Variants in THADA observed in about 807,000 individuals in gnomAD.
The protein encoded by THADA is THADA armadillo repeat containing, also known as tRNA (32-2'-O)-methyltransferase regulator THADA.
Under a neutral mutation model 219.8 loss-of-function variants are expected in THADA, and 213 were observed. The observed-to-expected ratio is 0.97, with a 90% CI of 0.87 to 1.09. THADA has a LOEUF of 1.09. Among genes scored for constraint, THADA ranks in the 50% least tolerant of loss-of-function variants. The pLI, the probability that THADA is intolerant of heterozygous loss-of-function variation, is 0.00. For synonymous variants in THADA, 1,018 were observed against 828.9 expected (o/e 1.23, Z -3.92); for missense variants, 2,956 against 2,311.3 (o/e 1.28, Z -5.72).
chr2:43,586,820 A>C, intron 5 of THADA, 34 bp downstream of exon 5: 1 of 1,612,338 alleles, frequency 6.2e-7, no homozygotes, highest in Non-Finnish European at 8.5e-7. Context: ...GAGAGGGGTT[A>C]GCCAGAAAAA....
At chr2:43,329,676 T>C (rs375484957) in intron 30 of THADA, among the ~76,000 whole-genome samples, 1 of 152,162 alleles carries the variant, frequency 6.6e-6, no homozygotes, top group East Asian at 1.9e-4. Flanking sequence ...AAACCAAGAA[T>C]AGAATCAAGG....
At chr2:43,457,864 A>C (rs1683202144) in intron 26 of THADA, among the ~76,000 whole-genome samples, 2 of 151,830 alleles carry the variant, frequency 1.3e-5, no homozygotes, top group African/African-American at 4.8e-5. Context: ...AGTCTATTCC[A>C]TTCTTTCTGG....
intron 25 of THADA, among the ~76,000 whole-genome samples, chr2:43,497,531 T>C (rs776730421): frequency 2.0e-5 from 3 of 152,128 alleles, no homozygotes; most frequent in Non-Finnish European, 4.4e-5. Flanking sequence ...CACCAGGGCC[T>C]GTTGGAGTCA....
intron 36 of THADA, among the ~76,000 whole-genome samples, chr2:43,265,326 T>C (rs949759305): frequency 6.6e-6 from 1 of 152,160 alleles, no homozygotes; most frequent in Non-Finnish European, 1.5e-5. Flanking sequence ...CTTCAAAGTA[T>C]AAAAATAGTG....
At chr2:43,373,726 C>T (rs1349814706) in intron 29 of THADA, among the ~76,000 whole-genome samples, 1 of 152,136 alleles carries the variant, frequency 6.6e-6, no homozygotes, top group Non-Finnish European at 1.5e-5. Flanking sequence ...GATCTGTCCA[C>T]CTCGGCCTCC....
intron 7 of THADA, among the ~76,000 whole-genome samples, chr2:43,585,419 G>A (rs1700902841): frequency 6.6e-6 from 1 of 151,584 alleles, no homozygotes; most frequent in South Asian, 2.1e-4. Flanking sequence ...TTGGGAGACT[G>A]AGGTGGGAGT....
rs572395673 is a variant in THADA at position 43,508,695 on chromosome 2, T to G, written c.3460A>C (p.Lys1154Gln). The G allele has an allele frequency of 6.2e-7, 1 of 1,613,764 alleles. No homozygotes were observed. The highest frequency in any genetic ancestry group is 1.7e-5 in the Admixed American group (1 of 59,998). Residue 1154 changes from lysine to glutamine, a missense_variant, in exon 23 of 38, where the codon AAA (lysine) becomes CAA (glutamine). Lys to Gln is a moderately conservative substitution (Grantham distance 53). Transcript: ENST00000405975. ...EEIKCSDPSS[K>Q]LCATRRSAGI... ...GCACTGCGCCTTGTAGCACAGAGTTTAGATGAAGGATCACTGCATTTAATT... is the reference window on the plus strand; with the variant it reads ...GCACTGCGCCTTGTAGCACAGAGTTGAGATGAAGGATCACTGCATTTAATT...
In THADA at chr2:43,434,565, G is replaced by A. The variant is rs560771102; in HGVS notation, c.3837-4263C>T. The stretch of plus-strand genomic sequence containing the variant: ...GGGCGGAGGAACACACAAGCGGCTG[G>A]ATGGCAGGAATACACCAACAGGCAC... On this transcript the variant is annotated intron_variant, in intron 26 of 37. Transcript: ENST00000405975. Among the ~76,000 whole-genome samples the A allele has an allele frequency of 2.0e-5, 3 of 152,308 alleles. No homozygotes were observed. The South Asian group carries it at 6.2e-4, about 32-fold the overall frequency.
At chr2:43,470,180 T>G (rs1684734761) in intron 26 of THADA, among the ~76,000 whole-genome samples, 1 of 140,870 alleles carries the variant, frequency 7.1e-6, no homozygotes, top group East Asian at 2.0e-4. Context: ...TGCACTTCAC[T>G]CTGGGTGACA....
chr2:43,544,880 C>T (rs1197873763), intron 20 of THADA, among the ~76,000 whole-genome samples: 2 of 149,708 alleles, frequency 1.3e-5, no homozygotes, highest in South Asian at 4.3e-4. Flanking sequence ...CTTCTCCTGC[C>T]TAATTGCCCT....
intron 22 of THADA, among the ~76,000 whole-genome samples, chr2:43,521,575 T>C (rs889795684): frequency 3.3e-5 from 5 of 152,146 alleles, no homozygotes; most frequent in Non-Finnish European, 5.9e-5. Flanking sequence ...GTAAGGGGTT[T>C]GTTGTTGCTG....
intron 26 of THADA, among the ~76,000 whole-genome samples, chr2:43,449,251 A>G (rs770066411): frequency 1.2e-4 from 18 of 152,164 alleles, no homozygotes; most frequent in Non-Finnish European, 1.9e-4. Context: ...GAACCTGAAG[A>G]TAAGACAAGG....
At chr2:43,548,473 G>A (rs917169622) in intron 20 of THADA, among the ~76,000 whole-genome samples, 2 of 152,212 alleles carry the variant, frequency 1.3e-5, no homozygotes, top group African/African-American at 4.8e-5. Context: ...CCCCAGAGGT[G>A]GAGCCTACAG....
chr2:43,519,932 G>T (rs925283267), intron 22 of THADA, among the ~76,000 whole-genome samples: 2 of 152,176 alleles, frequency 1.3e-5, no homozygotes, highest in African/African-American at 4.8e-5. Context: ...AGCAAGGAAA[G>T]ATTTCTTTAT....
At chr2:43,239,448 C>G (rs1327899238) in intron 36 of THADA, among the ~76,000 whole-genome samples, 1 of 152,182 alleles carries the variant, frequency 6.6e-6, no homozygotes, top group African/African-American at 2.4e-5. Context: ...GCCTCTGATT[C>G]CCCCCACTAG....
chr2:43,545,617 G>C (rs563466225), intron 20 of THADA, among the ~76,000 whole-genome samples: 4 of 152,086 alleles, frequency 2.6e-5, no homozygotes, highest in Admixed American at 6.5e-5. Context: ...TGTATGTGTC[G>C]AGGAATTTAT....
At chr2:43,281,590 C>T (rs545248620) in intron 35 of THADA, among the ~76,000 whole-genome samples, 2 of 151,880 alleles carry the variant, frequency 1.3e-5, no homozygotes, top group South Asian at 4.2e-4. Flanking sequence ...TATAGGTATG[C>T]ACCACCACAC....
Position 43,574,595 on chromosome 2 carries a change from C to T in THADA, c.1470G>A (p.Leu490=). ...QILEVMGDQS[L]VPYASDLLET... ...CCAAGAGGTCACTTGCATAAGGTAC[C>T]AATGACTGGTCTCCCATCACCTCTA... The change falls in exon 11 of 38, where the codon TTG becomes TTA. Residue 490 remains leucine (L), a synonymous_variant. Coordinates refer to ENST00000405975, the MANE Select transcript of THADA (RefSeq NM_022065.5). 1.2e-6 allele frequency: 2 copies of T among 1,613,966 alleles called. No individual in the cohort carries two copies. The highest frequency in any genetic ancestry group is 1.7e-6 in the Non-Finnish European group (2 of 1,179,890).
intron 22 of THADA, among the ~76,000 whole-genome samples, chr2:43,514,456 AT>A (rs1311128728): frequency 2.1e-5 from 3 of 142,842 alleles, no homozygotes; most frequent in Non-Finnish European, 4.5e-5. Flanking sequence ...GTCTTAAAAA[AT>A]ATATATATAA....
Sources: gnomAD v4.1 joint callset for allele counts (sites outside exome capture counted in the v4.1 genomes callset) on GRCh38, gnomAD v4.1.1 for gene constraint, MANE v1.5 for transcripts, NCBI Gene and HGNC (gene_info 2026-07-23, HGNC 2026-07-21) for gene names.